SATB2: variants seen among roughly 807,000 people sequenced by gnomAD.
The protein encoded by SATB2 is SATB homeobox 2.
A neutral mutation model predicts 73.4 loss-of-function variants in SATB2; 1 was observed. That is an observed-to-expected ratio of 0.01 (90% CI 0.00 to 0.06). The LOEUF (loss-of-function observed/expected upper bound fraction) is 0.06, where lower values mean the gene tolerates loss of function less well. Among genes scored for constraint, SATB2 ranks in the 10% least tolerant of loss-of-function variants. SATB2 has a pLI of 1.00. For synonymous variants in SATB2, 397 were observed against 367.0 expected (o/e 1.08, Z -0.93); for missense variants, 459 against 945.8 (o/e 0.49, Z 6.75).
intron 2 of SATB2, among the ~76,000 whole-genome samples, chr2:199,442,851 T>C (rs558017638): frequency 2.0e-5 from 3 of 152,322 alleles, no homozygotes; most frequent in East Asian, 3.9e-4. Flanking sequence ...TGTTGAAGTA[T>C]CCTTAGTTCA....
intron 10 of SATB2, among the ~76,000 whole-genome samples, chr2:199,301,211 G>C (rs548566449): frequency 6.6e-6 from 1 of 152,016 alleles, no homozygotes; most frequent in African/African-American, 2.4e-5. Flanking sequence ...GACACACATG[G>C]AACTGAAAAT....
intron 3 of SATB2, among the ~76,000 whole-genome samples, chr2:199,413,567 C>T (rs1379723525): frequency 6.7e-6 from 1 of 149,804 alleles, no homozygotes; most frequent in Non-Finnish European, 1.5e-5. Context: ...ACTTTTCCTA[C>T]TAGAGAGTCG....
At chr2:199,325,024 A>G (rs534041457) in intron 8 of SATB2, among the ~76,000 whole-genome samples, 1 of 152,146 alleles carries the variant, frequency 6.6e-6, no homozygotes, top group South Asian at 2.1e-4. Context: ...GTCCAGAGAA[A>G]GATGTAACAG....
At chr2:199,426,268 T>C (rs1291572917) in intron 3 of SATB2, among the ~76,000 whole-genome samples, 1 of 152,130 alleles carries the variant, frequency 6.6e-6, no homozygotes, top group Admixed American at 6.5e-5. Flanking sequence ...TTAAACCATT[T>C]TAAAAGCTTT....
chr2:199,439,068 G>A (rs1215057668), intron 2 of SATB2, among the ~76,000 whole-genome samples: 2 of 152,232 alleles, frequency 1.3e-5, no homozygotes, highest in Admixed American at 6.5e-5. Context: ...TGTACTACTT[G>A]TAAGTGAATT....
intron 5 of SATB2, among the ~76,000 whole-genome samples, chr2:199,375,368 G>C (rs1383543773): frequency 2.6e-5 from 4 of 152,178 alleles, no homozygotes; most frequent in Non-Finnish European, 5.9e-5. Flanking sequence ...AACACACTTT[G>C]AAAGGTGAAA....
At chr2:199,388,978 C>T (rs1690039335) in intron 3 of SATB2, among the ~76,000 whole-genome samples, 1 of 152,098 alleles carries the variant, frequency 6.6e-6, no homozygotes, top group Non-Finnish European at 1.5e-5. Flanking sequence ...AAATTAAAAA[C>T]TGTCTATCCT....
At chr2:199,404,902 A>C (rs559685972) in intron 3 of SATB2, among the ~76,000 whole-genome samples, 3 of 152,202 alleles carry the variant, frequency 2.0e-5, no homozygotes, top group Non-Finnish European at 4.4e-5. Flanking sequence ...AAATCTCCAT[A>C]TCTTAATATC....
At chr2:199,386,745 CACACACACACACACACACACA>C (rs1331440437) in intron 3 of SATB2, among the ~76,000 whole-genome samples, 2 of 148,664 alleles carry the variant, frequency 1.3e-5, no homozygotes, top group Non-Finnish European at 2.9e-5. Flanking sequence ...CACACACACA[CACACACACACACACACACACA>C]CCTTTGAGTT....
intron 10 of SATB2, among the ~76,000 whole-genome samples, chr2:199,296,749 G>A (rs1687112668): frequency 6.6e-6 from 1 of 152,116 alleles, no homozygotes; most frequent in Non-Finnish European, 1.5e-5. Flanking sequence ...GAAATTCAGA[G>A]TGAAATGCCT....
At chr2:199,416,937 G>A (rs1351877616) in intron 3 of SATB2, among the ~76,000 whole-genome samples, 1 of 151,994 alleles carries the variant, frequency 6.6e-6, no homozygotes, top group Non-Finnish European at 1.5e-5. Context: ...TCCGGAGGCT[G>A]AGGCAGGAGA....
At chr2:199,283,540 G>A (rs1449590089) in intron 10 of SATB2, among the ~76,000 whole-genome samples, 3 of 149,342 alleles carry the variant, frequency 2.0e-5, no homozygotes, top group Non-Finnish European at 4.4e-5. Context: ...TTTCAGCAAA[G>A]TCAAAAAGGT....
intron 2 of SATB2, among the ~76,000 whole-genome samples, chr2:199,448,180 A>T (rs534317929): frequency 1.3e-5 from 2 of 152,352 alleles, no homozygotes; most frequent in South Asian, 2.1e-4. Flanking sequence ...ATATGAATGC[A>T]TCGTCAGTAA....
At chr2:199,280,471 G>A (rs182384099) in intron 10 of SATB2, among the ~76,000 whole-genome samples, 16 of 152,288 alleles carry the variant, frequency 1.1e-4, no homozygotes, top group East Asian at 3.9e-4. Context: ...CTGGTGAGCC[G>A]GGCGGAACAG....
At chr2:199,353,774 A>G (rs760551471) in intron 6 of SATB2, among the ~76,000 whole-genome samples, 14 of 151,774 alleles carry the variant, frequency 9.2e-5, no homozygotes, top group Non-Finnish European at 1.3e-4. Context: ...AGTAATCACA[A>G]TGTCTGAAAC....
chr2:199,427,168 G>A (rs1002305441), intron 3 of SATB2, among the ~76,000 whole-genome samples: 10 of 152,104 alleles, frequency 6.6e-5, no homozygotes, highest in Admixed American at 1.3e-4. Context: ...ATGAGTCATC[G>A]TGCACAGCCA....
At chr2:199,458,823 C>G (rs1169163184), upstream of SATB2, 1 of 337,082 alleles carries the variant, frequency 3.0e-6, no homozygotes, top group Non-Finnish European at 5.9e-6. Context: ...CCTGCGAGCT[C>G]CCCCTCCGCG....
intron 2 of SATB2, among the ~76,000 whole-genome samples, chr2:199,435,294 C>T (rs570755373): frequency 6.6e-6 from 1 of 151,972 alleles, no homozygotes; most frequent in Admixed American, 6.6e-5. Context: ...TTTATTTATA[C>T]CAAGTTTATT....
At chr2:199,414,863 C>T (rs1452856000) in intron 3 of SATB2, among the ~76,000 whole-genome samples, 2 of 152,092 alleles carry the variant, frequency 1.3e-5, no homozygotes, top group African/African-American at 4.8e-5. Context: ...ACTTGTCCCT[C>T]CAGGAATGAT....
Sources: gnomAD v4.1 joint callset for allele counts (sites outside exome capture counted in the v4.1 genomes callset) on GRCh38, gnomAD v4.1.1 for gene constraint, MANE v1.5 for transcripts, NCBI Gene and HGNC (gene_info 2026-07-23, HGNC 2026-07-21) for gene names.